CD68: variants seen among roughly 807,000 people sequenced by gnomAD.
CD68 encodes macrosialin.
A neutral mutation model predicts 31.3 loss-of-function variants in CD68; 24 were observed. The observed-to-expected ratio is 0.77, with a 90% confidence interval of 0.55 to 1.08. The LOEUF (loss-of-function observed/expected upper bound fraction) is 1.08, where lower values mean the gene tolerates loss of function less well. Among genes scored for constraint, CD68 ranks in the 50% least tolerant of loss-of-function variants. The pLI is 0.00. For missense variants in CD68, 461 were observed against 442.5 expected, an observed-to-expected ratio of 1.04 and a Z score of -0.38; for synonymous variants, 190 against 179.6, an observed-to-expected ratio of 1.06 and a Z score of -0.46.
Position 7,580,873 on chromosome 17 carries a change from C to T in CD68, c.761-23C>T. 1 of 1,613,992 alleles carries T rather than the reference C, an allele frequency of 6.2e-7. No homozygotes were observed. Among genetic ancestry groups the T allele is most frequent in the Non-Finnish European group, 8.5e-7 (1 of 1,179,936 alleles). ...CTGGGGCCAGGGAGGTGGATAGGAT[C>T]TGACCCTTCCTCACTCCTCCAGAGT... is the stretch of plus-strand genomic sequence containing the variant. On this transcript the variant is annotated intron_variant, in intron 4 of 5. Coordinates refer to ENST00000250092, the MANE Select transcript of CD68 (RefSeq NM_001251.3). This position sits in a 1 kb window ranked among gnomAD's most constrained non-coding sequence, Gnocchi z 4.3.
At position 7,582,057 on chromosome 17, in the gene CD68, C is replaced by T; in HGVS notation, c.*546C>T. On this transcript the variant is annotated 3_prime_UTR_variant, in exon 6 of 6. Transcript: ENST00000250092. ...GGAGAGCAGCAAAATTTATGCAAATCTTTGACGGGGTTTTCCTTGTCCTGC... is the reference window on the plus strand; with the variant it reads ...GGAGAGCAGCAAAATTTATGCAAATTTTTGACGGGGTTTTCCTTGTCCTGC... 6.3e-6 allele frequency: 1 copy of T among 157,624 alleles called. No individual in the cohort carries two copies. Among genetic ancestry groups the T allele is most frequent in the Non-Finnish European group, 1.0e-5 (1 of 98,914 alleles). The allele number at this position is 157,624 out of a possible 1,614,324, so 9.8% of individuals were successfully genotyped here.
chr17:7,580,085 C>T lies in CD68; in HGVS notation c.325C>T (p.His109Tyr). ...CAGCCAGGGACCCTCAACTGCCACT[C>T]ACAGTCCTGCCACCACTAGTCATGG... ...ATSQGPSTAT[H>Y]SPATTSHGNA... is the part of the protein sequence containing the mutation. Residue 109 changes from histidine to tyrosine, a missense_variant, in exon 2 of 6, where the codon CAC (histidine) becomes TAC (tyrosine). By Grantham distance (83) the His-to-Tyr change is moderately conservative (BLOSUM62 2). Transcript: ENST00000250092. The surrounding 1 kb of genome is among the most constrained non-coding windows in gnomAD (Gnocchi z 4.3). 1 of 1,614,112 alleles carries T rather than the reference C, an allele frequency of 6.2e-7. No homozygotes were observed. Among genetic ancestry groups the T allele is most frequent in the Non-Finnish European group, 8.5e-7 (1 of 1,180,006 alleles).
In CD68 at chr17:7,580,135, C is replaced by T. The variant is rs766893217; in HGVS notation, c.375C>T (p.Ser125=). 8 of 1,614,164 alleles carry T rather than the reference C, an allele frequency of 5.0e-6. No individual in the cohort carries two copies. In the Admixed American group the frequency reaches 1.0e-4, roughly 20 times the overall value. Residue 125 remains serine (S), a synonymous_variant, in exon 2 of 6, where the codon AGC becomes AGT. Transcript: ENST00000250092. The surrounding 1 kb of genome is among the most constrained non-coding windows in gnomAD (Gnocchi z 4.3). ...SHGNATVHPT[S]NSTATSPGFT... ...GAAATGCCACGGTTCATCCAACAAGCAACAGCACTGCCACCAGCCCAGGAT... is the reference window on the plus strand; with the variant it reads ...GAAATGCCACGGTTCATCCAACAAGTAACAGCACTGCCACCAGCCCAGGAT...
chr17:7,581,229 T>G (rs140613627), intron 5 of CD68, 149 bp from the exon 6 acceptor site: 15 of 1,178,850 alleles, frequency 1.3e-5, no homozygotes. Context: ...TACAAGACTC[T>G]GCCAGTTTCC....
In CD68 at chr17:7,581,874, G is replaced by A. The variant is rs1315983540; in HGVS notation, c.*363G>A. The A allele has an allele frequency of 1.6e-5, 4 of 257,944 alleles. No homozygotes were observed. Among genetic ancestry groups the A allele is most frequent in the Admixed American group, 4.6e-5 (1 of 21,754 alleles). The allele number at this position is 257,944 out of a possible 1,614,324, so 16.0% of individuals were successfully genotyped here. A position where few individuals can be genotyped will look rare whatever the true frequency, so the allele number is the denominator to read the frequency against. ...CAGGAGGTGGAGGTTGCAGTGAGCCGTCATCGCGCCACTAAGCCAAGATCG... is the reference window on the plus strand; with the variant it reads ...CAGGAGGTGGAGGTTGCAGTGAGCCATCATCGCGCCACTAAGCCAAGATCG... On this transcript the variant is annotated 3_prime_UTR_variant, in exon 6 of 6. Transcript: ENST00000250092.
Position 7,579,885 on chromosome 17 carries a change from T to C in CD68, c.125T>C (p.Val42Ala). The C allele has an allele frequency of 6.2e-7, 1 of 1,613,654 alleles. No homozygotes were observed. Among genetic ancestry groups the C allele is most frequent in the East Asian group, 2.2e-5 (1 of 44,850 alleles). The change falls in exon 2 of 6, where the codon GTT becomes GCT. Residue 42 changes from valine (V) to alanine (A), a missense_variant. Physicochemically the swap from Val to Ala is moderately conservative, Grantham distance 64 (BLOSUM62 0). Coordinates refer to ENST00000250092, the MANE Select transcript of CD68 (RefSeq NM_001251.3). ...CCATCCTTCACGGTGACACCCACGGTTACAGAGAGCACTGGAACAACCAGC... is the reference window on the plus strand; with the variant it reads ...CCATCCTTCACGGTGACACCCACGGCTACAGAGAGCACTGGAACAACCAGC... The part of the protein sequence containing the change: ...LLPSFTVTPT[V>A]TESTGTTSHR...
In CD68 at chr17:7,579,729, A is replaced by G. The variant is rs2071457500; in HGVS notation, c.49+3A>G. The G allele has an allele frequency of 6.2e-7, 1 of 1,603,508 alleles. No individual in the cohort carries two copies. The highest frequency in any genetic ancestry group is 8.5e-7 in the Non-Finnish European group (1 of 1,175,338). On this transcript the variant is annotated splice_donor_region_variant and intron_variant, in intron 1 of 5. Coordinates refer to ENST00000250092, the MANE Select transcript of CD68 (RefSeq NM_001251.3). Reference sequence around the variant, plus strand: ...GGCCCTGCTGGGGCTACTGGCAGGTAAGGAGGAAGGAGGCTGAGGGGAGGG... The same window carrying G: ...GGCCCTGCTGGGGCTACTGGCAGGTGAGGAGGAAGGAGGCTGAGGGGAGGG...
Position 7,580,726 on chromosome 17 carries a change from G to T in CD68, c.703G>T (p.Val235Phe). The T allele has an allele frequency of 6.2e-7, 1 of 1,614,018 alleles. No homozygotes were observed. Among genetic ancestry groups the T allele is most frequent in the Non-Finnish European group, 8.5e-7 (1 of 1,180,012 alleles). Residue 235 changes from valine to phenylalanine, a missense_variant, in exon 4 of 6, where the codon GTT becomes TTT. By Grantham distance (50) the Val-to-Phe change is conservative (BLOSUM62 -1). Coordinates refer to ENST00000250092, the MANE Select transcript of CD68 (RefSeq NM_001251.3). This position sits in a 1 kb window ranked among gnomAD's most constrained non-coding sequence, Gnocchi z 4.3. Reference protein sequence around the residue: ...FGFMQDLQQKVVYLSYMAVEY... With the variant: ...FGFMQDLQQKFVYLSYMAVEY... ...CGCCCCACAGGACCTCCAGCAGAAG[G>T]TTGTCTACCTGAGCTACATGGCGGT...
Position 7,579,837 on chromosome 17 carries a change from A to C in CD68, c.77A>C (p.His26Pro). The C allele has an allele frequency of 6.2e-7, 1 of 1,614,006 alleles. No homozygotes were observed. The highest frequency in any genetic ancestry group is 8.5e-7 in the Non-Finnish European group (1 of 1,179,952). The change falls in exon 2 of 6, where the codon CAC becomes CCC. Residue 26 changes from histidine (H) to proline (P), a missense_variant. Transcript: ENST00000250092. ...CAGGGGACAGGGAATGACTGTCCTC[A>C]CAAAAAATCAGCTACTTTGCTGCCA... ...AAQGTGNDCPHKKSATLLPSF... is the reference protein window; with the variant it reads ...AAQGTGNDCPPKKSATLLPSF...
Position 7,580,349 on chromosome 17 carries a change from G to C in CD68, c.567+22G>C, listed in dbSNP as rs2071467685. 6.2e-7 allele frequency: 1 copy of C among 1,608,228 alleles called. No individual in the cohort carries two copies. The highest frequency in any genetic ancestry group is 1.1e-5 in the South Asian group (1 of 90,792). On this transcript the variant is annotated intron_variant, in intron 2 of 5. Coordinates refer to ENST00000250092, the MANE Select transcript of CD68 (RefSeq NM_001251.3). This position sits in a 1 kb window ranked among gnomAD's most constrained non-coding sequence, Gnocchi z 4.3. ...AGAGGTAAAGCTAAAACTGGGGGAT[G>C]AGAGGGGAGGGAGGCAGGACTGGAT...
Position 7,580,783 on chromosome 17 carries a change from CGTAA to C in CD68, c.760+5_760+8del. ...CAATGTGTCCTTCCCCCACGCAGCACGTAAGTAACCTCCTTCCCTTTCTCATTGC... is the reference window on the plus strand; with the variant it reads ...CAATGTGTCCTTCCCCCACGCAGCACGTAACCTCCTTCCCTTTCTCATTGC... On this transcript the variant is annotated splice_donor_variant and splice_donor_region_variant and intron_variant, in intron 4 of 5. Transcript: ENST00000250092. LOFTEE classifies it high-confidence loss of function. This position sits in a 1 kb window ranked among gnomAD's most constrained non-coding sequence, Gnocchi z 4.3. The C allele has an allele frequency of 6.2e-7, 1 of 1,613,760 alleles. No individual in the cohort carries two copies. Among genetic ancestry groups the C allele is most frequent in the Non-Finnish European group, 8.5e-7 (1 of 1,179,874 alleles).
Position 7,581,382 on chromosome 17 carries a change from C to T in CD68, c.936C>T (p.Phe312=), listed in dbSNP as rs1388227697. 6.2e-7 allele frequency: 1 copy of T among 1,614,148 alleles called. No individual in the cohort carries two copies. The highest frequency in any genetic ancestry group is 2.2e-5 in the East Asian group (1 of 44,880). The change falls in exon 6 of 6, where the codon TTC becomes TTT. Residue 312 remains phenylalanine (F), a synonymous_variant. Transcript: ENST00000250092. ...CCTGCCCTATCCTTCCGCCAGGTTT[C>T]TCCTGCCCCAGTGACCGGTCCATCT... ...LPHTGVFGQS[F]SCPSDRSILL...
Position 7,581,747 on chromosome 17 carries a change from C to G in CD68, c.*236C>G, listed in dbSNP as rs979035145. On this transcript the variant is annotated 3_prime_UTR_variant, in exon 6 of 6. Transcript: ENST00000250092. ...GACCAGCCTGGCCAACATGGTGAAACCCTGTCTCTACTAAAAATACAATTA... is the reference window on the plus strand; with the variant it reads ...GACCAGCCTGGCCAACATGGTGAAAGCCTGTCTCTACTAAAAATACAATTA... 6.4e-6 allele frequency: 3 copies of G among 469,232 alleles called. No individual in the cohort carries two copies. The Admixed American group carries it at 1.0e-4, about 16-fold the overall frequency. 29.1% of individuals were successfully genotyped at this position (469,232 alleles called of 1,614,324 possible).
At position 7,579,984 on chromosome 17, in the gene CD68, C is replaced by T. The variant is rs531445203; in HGVS notation, c.224C>T (p.Thr75Met). 4.3e-5 allele frequency: 69 copies of T among 1,609,146 alleles called. No homozygotes were observed. The highest frequency in any genetic ancestry group is 1.7e-4 in the Middle Eastern group (1 of 6,060). ...ACAGGCACCACCAGCCACGGACCCA[C>T]GACTGCCACTCACAACCCCACCACC... Reference protein sequence around the residue: ...TTTGTTSHGPTTATHNPTTTS... With the variant: ...TTTGTTSHGPMTATHNPTTTS... Residue 75 changes from threonine (T) to methionine (M), a missense_variant, in exon 2 of 6, where the codon ACG becomes ATG. By Grantham distance (81) the Thr-to-Met change is moderately conservative. Transcript: ENST00000250092.
At position 7,581,379 on chromosome 17, in the gene CD68, T is replaced by C; in HGVS notation, c.933T>C (p.Ser311=). 1.9e-6 allele frequency: 3 copies of C among 1,614,082 alleles called. No individual in the cohort carries two copies. The highest frequency in any genetic ancestry group is 2.5e-6 in the Non-Finnish European group (3 of 1,180,006). ...QLPHTGVFGQ[S]FSCPSDRSIL... ...CTACCTGCCCTATCCTTCCGCCAGG[T>C]TTCTCCTGCCCCAGTGACCGGTCCA... Residue 311 remains serine, a splice_region_variant and synonymous_variant, in exon 6 of 6, where the codon AGT becomes AGC. Transcript: ENST00000250092.
chr17:7,581,575 C>A lies in CD68; in HGVS notation c.*64C>A. On this transcript the variant is annotated 3_prime_UTR_variant, in exon 6 of 6. Transcript: ENST00000250092. ...GTGTGGTGGGGGGGTACCCTTATTT[C>A]CTCGACACGCAACTGGCTCAAAGAC... 4.6e-6 allele frequency: 7 copies of A among 1,512,094 alleles called. No homozygotes were observed. Among genetic ancestry groups the A allele is most frequent in the Non-Finnish European group, 6.4e-6 (7 of 1,090,798 alleles). 93.7% of individuals were successfully genotyped at this position (1,512,094 alleles called of 1,614,324 possible).
In CD68 at chr17:7,580,233, G is replaced by A; in HGVS notation, c.473G>A (p.Gly158Glu). 6.2e-7 allele frequency: 1 copy of A among 1,613,322 alleles called. No homozygotes were observed. The highest frequency in any genetic ancestry group is 8.5e-7 in the Non-Finnish European group (1 of 1,179,768). The change falls in exon 2 of 6, where the codon GGA becomes GAA. Residue 158 changes from glycine (G) to glutamate (E), a missense_variant. Transcript: ENST00000250092. The surrounding 1 kb of genome is among the most constrained non-coding windows in gnomAD (Gnocchi z 4.3). ...AGCCCAACCTCCAAGGAGACCATTGGAGACTACACGTGGACCAATGGTTCC... is the reference window on the plus strand; with the variant it reads ...AGCCCAACCTCCAAGGAGACCATTGAAGACTACACGTGGACCAATGGTTCC... The part of the protein sequence containing the change: ...SPSPTSKETI[G>E]DYTWTNGSQP...
rs759710191 is a variant in CD68 at position 7,579,930 on chromosome 17, A to C, written c.170A>C (p.His57Pro). Residue 57 changes from histidine (H) to proline (P), a missense_variant, in exon 2 of 6, where the codon CAC (histidine) becomes CCC (proline). Transcript: ENST00000250092. ...ACCAGCCACAGGACTACCAAGAGCC[A>C]CAAAACCACCACTCACAGGACAACC... ...GTTSHRTTKS[H>P]KTTTHRTTTT... 1 of 1,613,940 alleles carries C rather than the reference A, an allele frequency of 6.2e-7. No homozygotes were observed.
Position 7,581,007 on chromosome 17 carries a change from A to G in CD68, c.872A>G (p.Asp291Gly). The G allele has an allele frequency of 6.2e-7, 1 of 1,613,990 alleles. No individual in the cohort carries two copies. The highest frequency in any genetic ancestry group is 1.1e-5 in the South Asian group (1 of 91,074). The change falls in exon 5 of 6, where the codon GAC becomes GGC. Residue 291 changes from aspartate (D) to glycine (G), a missense_variant. Asp to Gly is a moderately conservative substitution (Grantham distance 94, BLOSUM62 -1). Coordinates refer to ENST00000250092, the MANE Select transcript of CD68 (RefSeq NM_001251.3). ...ATTCTTTCACCAGCTGTCCACCTCGACCTGCTCTCCCTGAGGCTCCAGGCT... is the reference window on the plus strand; with the variant it reads ...ATTCTTTCACCAGCTGTCCACCTCGGCCTGCTCTCCCTGAGGCTCCAGGCT... ...SIILSPAVHL[D>G]LLSLRLQAAQ... is the part of the protein sequence containing the mutation.
Sources: allele counts gnomAD v4.1 joint callset, GRCh38; gene constraint gnomAD v4.1.1; non-coding constraint Gnocchi (gnomAD v3.1); transcripts MANE v1.5; gene names NCBI Gene and HGNC (gene_info 2026-07-23, HGNC 2026-07-21).